Variants in OR51B5 observed in about 807,000 individuals in gnomAD.
OR51B5 encodes olfactory receptor family 51 subfamily B member 5.
For synonymous variants in OR51B5, 186 were observed against 144.8 expected (o/e 1.28, Z -2.04); for missense variants, 456 against 374.6 (o/e 1.22, Z -1.79).
intron 1 of OR51B5, among the ~76,000 whole-genome samples, chr11:5,403,872 G>A (rs1201979555): frequency 6.6e-6 from 1 of 152,090 alleles, no homozygotes; most frequent in Non-Finnish European, 1.5e-5. Flanking sequence ...GTTAGAAGGT[G>A]TAATGGGAAA....
chr11:5,398,319 AG>A (rs1849912899), intron 1 of OR51B5, among the ~76,000 whole-genome samples: 1 of 152,230 alleles, frequency 6.6e-6, no homozygotes, highest in Non-Finnish European at 1.5e-5. Flanking sequence ...TGTTTCCCTT[AG>A]GTTCTCTGGA....
chr11:5,457,086 T>G (rs1850971777), intron 1 of OR51B5, among the ~76,000 whole-genome samples: 2 of 152,212 alleles, frequency 1.3e-5, no homozygotes, highest in Non-Finnish European at 2.9e-5. Context: ...AATGAATTAA[T>G]ACAGCATAGT....
chr11:5,482,053 T>C (rs1172868423), intron 1 of OR51B5, among the ~76,000 whole-genome samples: 1 of 120,120 alleles, frequency 8.3e-6, no homozygotes, highest in Admixed American at 8.4e-5. Context: ...ACCAAGGCAA[T>C]CCTAAGCCAA....
At chr11:5,351,537 C>G (rs1589947164) in intron 1 of OR51B5, 3 of 1,613,448 alleles carry the variant, frequency 1.9e-6, no homozygotes, top group Non-Finnish European at 8.5e-7. Context: ...CTTCCACCTT[C>G]CAGCTTACTG....
rs764054857 is a variant in OR51B5 at position 5,422,535 on chromosome 11, T to A, written n.85-75625A>T. 5.6e-6 allele frequency: 9 copies of A among 1,614,058 alleles called. No individual in the cohort carries two copies. In the Admixed American group the frequency reaches 1.5e-4, roughly 27 times the overall value. On this transcript the variant is annotated intron_variant and non_coding_transcript_variant, in intron 1 of 4. Coordinates refer to the OR51B5 transcript ENST00000415970. ...TTCTTCCTTCATGGATTCTCCTTTA[T>A]GGAGTCTTCTGTCCTCCTGGCTATG...
exon 1 of OR51B5, chr11:5,342,891 T>C: frequency 1.2e-6 from 2 of 1,613,700 alleles, no homozygotes; most frequent in Non-Finnish European, 1.7e-6. Context: ...GAGATGAAGA[T>C]AATCAGATAA....
intron 1 of OR51B5, among the ~76,000 whole-genome samples, chr11:5,374,375 T>A (rs1296982682): frequency 6.6e-6 from 1 of 151,646 alleles, no homozygotes; most frequent in Non-Finnish European, 1.5e-5. Flanking sequence ...AACCACAAAG[T>A]TGGGGAAAAA....
chr11:5,417,095 A>G (rs1850255532), intron 1 of OR51B5, among the ~76,000 whole-genome samples: 1 of 151,856 alleles, frequency 6.6e-6, no homozygotes, highest in African/African-American at 2.4e-5. Context: ...GATCAATGGA[A>G]CAGAACAGAG....
At chr11:5,423,305 G>T (rs1361020374) in intron 1 of OR51B5, 1 of 933,672 alleles carries the variant, frequency 1.1e-6, no homozygotes, top group African/African-American at 1.7e-5. Context: ...TTTTGGCTGA[G>T]GTGAGCTAGC....
downstream of OR51B5, chr11:5,341,424 A>G (rs1357774359): frequency 6.6e-6 from 1 of 152,214 alleles, no homozygotes; most frequent in African/African-American, 2.4e-5. Flanking sequence ...AATTCTGTAA[A>G]ATGATCGGGG....
chr11:5,376,776 T>C (rs1849535214), intron 1 of OR51B5, among the ~76,000 whole-genome samples: 2 of 151,624 alleles, frequency 1.3e-5, no homozygotes, highest in Non-Finnish European at 1.5e-5. Flanking sequence ...GTTGAATCTC[T>C]GAATAGACCA....
intron 1 of OR51B5, among the ~76,000 whole-genome samples, chr11:5,401,784 A>G (rs1849970355): frequency 2.0e-5 from 3 of 152,028 alleles, no homozygotes; most frequent in South Asian, 4.2e-4. Context: ...TCCAAGGTGC[A>G]CTACACCTTA....
At chr11:5,402,046 C>T (rs1292853009) in intron 1 of OR51B5, among the ~76,000 whole-genome samples, 1 of 150,672 alleles carries the variant, frequency 6.6e-6, no homozygotes, top group Non-Finnish European at 1.5e-5. Context: ...TTGTCTCATG[C>T]TGTTACCCAG....
chr11:5,407,149 ATTTC>A (rs1197338501), intron 1 of OR51B5, among the ~76,000 whole-genome samples: 1 of 152,104 alleles, frequency 6.6e-6, no homozygotes, highest in African/African-American at 2.4e-5. Context: ...TGTGGGGCAT[ATTTC>A]TTGATCTGTA....
chr11:5,413,062 C>T (rs977641066), intron 1 of OR51B5, among the ~76,000 whole-genome samples: 11 of 152,282 alleles, frequency 7.2e-5, no homozygotes, highest in Admixed American at 1.3e-4. Flanking sequence ...ACACCTCACA[C>T]GGCCTGATAC....
chr11:5,363,480 CCA>C (rs751738643), intron 1 of OR51B5, among the ~76,000 whole-genome samples: 18 of 151,576 alleles, frequency 1.2e-4, no homozygotes, highest in Non-Finnish European at 2.5e-4. Flanking sequence ...CACAAAAGCG[CCA>C]CACACACAAT....
intron 1 of OR51B5, among the ~76,000 whole-genome samples, chr11:5,380,735 A>G (rs370554664): frequency 1.2e-4 from 18 of 152,306 alleles, no homozygotes; most frequent in East Asian, 9.6e-4. Context: ...TAAGATGTAG[A>G]TATGTCTATT....
intron 1 of OR51B5, among the ~76,000 whole-genome samples, chr11:5,491,506 C>G (rs1358055576): frequency 6.6e-6 from 1 of 152,058 alleles, no homozygotes; most frequent in Non-Finnish European, 1.5e-5. Context: ...GAGGAGGTAC[C>G]AGGCAATGGT....
chr11:5,501,957 C>T (rs914670621), intron 1 of OR51B5, among the ~76,000 whole-genome samples: 1 of 152,054 alleles, frequency 6.6e-6, no homozygotes, highest in African/African-American at 2.4e-5. Context: ...TGATGTTCCC[C>T]GCCCTGTGTC....
Sources: gnomAD v4.1 joint callset for allele counts (sites outside exome capture counted in the v4.1 genomes callset) on GRCh38, gnomAD v4.1.1 for gene constraint, MANE v1.5 for transcripts, NCBI Gene and HGNC (gene_info 2026-07-23, HGNC 2026-07-21) for gene names.